The following ZEB1 variants were observed in gnomAD, a reference collection of about 807,000 sequenced individuals.
The protein encoded by ZEB1 is zinc finger E-box binding homeobox 1, also known as zinc finger E-box-binding homeobox 1.
ZEB1 carries 21 observed loss-of-function variants against 84.9 expected under a neutral mutation model. The observed-to-expected ratio is 0.25, with a 90% CI of 0.18 to 0.36. The LOEUF (loss-of-function observed/expected upper bound fraction) is 0.36, where lower values mean the gene tolerates loss of function less well. ZEB1 is among the 10% of genes least tolerant of loss of function. ZEB1 has a pLI of 1.00. For missense variants in ZEB1, 1,104 were observed against 1,330.2 expected (o/e 0.83, Z 2.65); for synonymous variants, 420 against 471.1 (o/e 0.89, Z 1.41).
At chr10:31,475,120 T>A (rs1232177633) in intron 2 of ZEB1, among the ~76,000 whole-genome samples, 1 of 151,192 alleles carries the variant, frequency 6.6e-6, no homozygotes, top group Non-Finnish European at 1.5e-5. Flanking sequence ...AGATGACGAG[T>A]TAGTGGGTGC....
chr10:31,496,494 G>A (rs903376858), intron 3 of ZEB1, among the ~76,000 whole-genome samples: 6 of 152,032 alleles, frequency 3.9e-5, no homozygotes, highest in Non-Finnish European at 7.4e-5. Flanking sequence ...AAAAGAGTAG[G>A]TGGAAAAATT....
intron 1 of ZEB1, among the ~76,000 whole-genome samples, chr10:31,456,694 G>A (rs903219232): frequency 6.6e-6 from 1 of 152,050 alleles, no homozygotes; most frequent in Non-Finnish European, 1.5e-5. Flanking sequence ...CCTCAGACAG[G>A]CTACTTAGGT....
At chr10:31,382,006 CAAAAAAAAAAAAAAAAA>C (rs535534850) in intron 1 of ZEB1, among the ~76,000 whole-genome samples, 2 of 40,770 alleles carry the variant, frequency 4.9e-5, no homozygotes, top group Non-Finnish European at 9.5e-5. Flanking sequence ...GAGACTGTCT[CAAAAAAAAAAAAAAAAA>C]AAAAAAAAAA....
intron 1 of ZEB1, among the ~76,000 whole-genome samples, chr10:31,432,359 C>G (rs1240358167): frequency 6.6e-6 from 1 of 152,138 alleles, no homozygotes; most frequent in Non-Finnish European, 1.5e-5. Context: ...GAGGCCAAGG[C>G]AGGTGGATTG....
At chr10:31,381,430 A>G (rs1024894358) in intron 1 of ZEB1, among the ~76,000 whole-genome samples, 1 of 152,220 alleles carries the variant, frequency 6.6e-6, no homozygotes, top group African/African-American at 2.4e-5. Context: ...ATAAATTAAC[A>G]TCCAGTGTAT....
chr10:31,364,553 G>A (rs1470094158), intron 1 of ZEB1, among the ~76,000 whole-genome samples: 1 of 152,210 alleles, frequency 6.6e-6, no homozygotes, highest in Non-Finnish European at 1.5e-5. Flanking sequence ...AGCCAGGCCC[G>A]CCTTCTCCAT....
At chr10:31,358,879 T>C (rs554468632) in intron 1 of ZEB1, among the ~76,000 whole-genome samples, 7 of 152,332 alleles carry the variant, frequency 4.6e-5, no homozygotes, top group African/African-American at 1.7e-4. Context: ...CAAACAAATG[T>C]AGGCCAAAAT....
intron 2 of ZEB1, among the ~76,000 whole-genome samples, chr10:31,492,947 A>T (rs1352955497): frequency 2.6e-5 from 4 of 151,962 alleles, no homozygotes; most frequent in Non-Finnish European, 5.9e-5. Flanking sequence ...TTTTGACATA[A>T]TAATAGATTC....
At chr10:31,462,762 A>G (rs944129795) in intron 2 of ZEB1, among the ~76,000 whole-genome samples, 1 of 152,204 alleles carries the variant, frequency 6.6e-6, no homozygotes, top group Non-Finnish European at 1.5e-5. Context: ...AAAATAATTT[A>G]TAAATAAGTC....
chr10:31,429,348 G>A (rs963843697), intron 1 of ZEB1, among the ~76,000 whole-genome samples: 28 of 152,006 alleles, frequency 1.8e-4, no homozygotes, highest in Non-Finnish European at 2.9e-5. Context: ...TGAAATTCTG[G>A]GTTAGAATTT....
chr10:31,465,713 A>G (rs1239449435), intron 2 of ZEB1, among the ~76,000 whole-genome samples: 1 of 152,060 alleles, frequency 6.6e-6, no homozygotes, highest in African/African-American at 2.4e-5. Context: ...TCCTGGACTC[A>G]AGCAGTCTTC....
At chr10:31,379,316 TTTTG>T (rs891883116) in intron 1 of ZEB1, among the ~76,000 whole-genome samples, 14 of 152,050 alleles carry the variant, frequency 9.2e-5, no homozygotes, top group African/African-American at 2.9e-4. Context: ...CTGTCATCTC[TTTTG>T]TTTGTTTGTT....
intron 5 of ZEB1, among the ~76,000 whole-genome samples, chr10:31,511,740 A>G (rs765177513): frequency 2.0e-5 from 3 of 152,202 alleles, no homozygotes; most frequent in Non-Finnish European, 2.9e-5. Context: ...ACTCTGCCCT[A>G]TGGATGTACC....
At chr10:31,365,786 ATTG>A (rs1041538190) in intron 1 of ZEB1, among the ~76,000 whole-genome samples, 4 of 152,168 alleles carry the variant, frequency 2.6e-5, no homozygotes, top group African/African-American at 9.7e-5. Context: ...GCAAAGCTTT[ATTG>A]TTGATTTTTG....
chr10:31,420,416 G>C (rs2055958477), intron 1 of ZEB1, among the ~76,000 whole-genome samples: 1 of 152,054 alleles, frequency 6.6e-6, no homozygotes, highest in Non-Finnish European at 1.5e-5. Flanking sequence ...TTGTTCCCTT[G>C]TGCTTGTAGG....
chr10:31,333,850 A>T (rs1214658519), intron 1 of ZEB1, among the ~76,000 whole-genome samples: 1 of 152,104 alleles, frequency 6.6e-6, no homozygotes, highest in Non-Finnish European at 1.5e-5. Context: ...GCTTGAAAGT[A>T]AAAAGGATTT....
rs183433093 is a variant in ZEB1, at chr10:31,513,275, T to C, written c.688-1328T>C. ...TGAGGGTACATGAGTAAGAGGGTAA[T>C]CAAGAATAACTCCAAAGTTTAAGGC... On this transcript the variant is annotated intron_variant, in intron 5 of 8. Transcript: ENST00000424869. Among the ~76,000 whole-genome samples, 238 of 152,154 alleles carry C rather than the reference T, an allele frequency of 1.6e-3. 1 individual carries two copies. The highest frequency in any genetic ancestry group is 4.8e-3 in the African/African-American group (199 of 41,526).
At chr10:31,323,412 A>C (rs553039371) in intron 1 of ZEB1, among the ~76,000 whole-genome samples, 1 of 152,080 alleles carries the variant, frequency 6.6e-6, no homozygotes. Context: ...TAGACTATGG[A>C]TGGGTTGGCA....
At position 31,521,335 on chromosome 10, in the gene ZEB1, C is replaced by A. The variant is rs765231011; in HGVS notation, c.2003C>A (p.Ala668Glu). Reference protein sequence around the residue: ...KNNDQPQSANANEPQDSTVNL... With the variant: ...KNNDQPQSANENEPQDSTVNL... ...AATGATCAGCCTCAATCTGCAAATG[C>A]AAATGAACCCCAGGACAGCACAGTA... Residue 668 changes from alanine (A) to glutamate (E), a missense_variant, in exon 7 of 9, where the codon GCA becomes GAA. Physicochemically the swap from Ala to Glu is moderately radical, Grantham distance 107. Around this residue, in one of 7 missense-constraint regions of ZEB1, gnomAD observed 531 missense variants for 575.2 expected, o/e 0.92. Transcript: ENST00000424869. 1 of 1,614,094 alleles carries A rather than the reference C, an allele frequency of 6.2e-7. No homozygotes were observed. The highest frequency in any genetic ancestry group is 1.1e-5 in the South Asian group (1 of 91,086).
Sources: allele counts gnomAD v4.1 joint callset (sites outside exome capture counted in the v4.1 genomes callset), GRCh38; gene constraint gnomAD v4.1.1; regional missense constraint gnomAD v4.1.1; transcripts MANE v1.5; gene names NCBI Gene and HGNC (gene_info 2026-07-23, HGNC 2026-07-21).